ANK1: variants seen among roughly 807,000 people sequenced by gnomAD.
The protein encoded by ANK1 is ankyrin 1.
Under a neutral mutation model 210.4 loss-of-function variants are expected in ANK1, and 51 were observed. The ratio of observed to expected loss-of-function variants is 0.24; its 90% CI spans 0.19 to 0.31. The LOEUF (loss-of-function observed/expected upper bound fraction) is 0.31. ANK1 is among the 10% of genes least tolerant of loss of function. The pLI is 1.00. For missense variants in ANK1, 2,051 were observed against 2,504.4 expected (o/e 0.82, Z 3.86); for synonymous variants, 967 against 1,025.9 (o/e 0.94, Z 1.10).
intron 1 of ANK1, among the ~76,000 whole-genome samples, chr8:41,878,569 C>A (rs6474368): frequency 6.6e-6 from 1 of 152,258 alleles, no homozygotes; most frequent in Non-Finnish European, 1.5e-5. Flanking sequence ...CCCATGAAAA[C>A]GATTTTACAG....
chr8:41,782,902 A>G (rs558479196), intron 1 of ANK1, among the ~76,000 whole-genome samples: 1 of 152,306 alleles, frequency 6.6e-6, no homozygotes, highest in South Asian at 2.1e-4. Context: ...ATTTCTAACT[A>G]CTGTAATCTA....
intron 2 of ANK1, among the ~76,000 whole-genome samples, chr8:41,735,777 G>C (rs982117434): frequency 6.6e-6 from 1 of 152,330 alleles, no homozygotes; most frequent in Non-Finnish European, 1.5e-5. Context: ...ATAGGAGAAT[G>C]GAAGGGGTCC....
intron 1 of ANK1, among the ~76,000 whole-genome samples, chr8:41,759,220 A>G (rs1051890027): frequency 6.6e-6 from 1 of 152,188 alleles, no homozygotes; most frequent in Non-Finnish European, 1.5e-5. Flanking sequence ...AGTAATACTA[A>G]CAGAAGGCTG....
intron 1 of ANK1, among the ~76,000 whole-genome samples, chr8:41,804,342 C>T (rs1177300609): frequency 2.0e-5 from 3 of 152,200 alleles, no homozygotes; most frequent in Non-Finnish European, 4.4e-5. Context: ...CTAGTCTAGA[C>T]ATCACATATC....
chr8:41,862,050 G>A (rs62508235), intron 1 of ANK1, among the ~76,000 whole-genome samples: 2,672 of 152,282 alleles, frequency 0.018, 38 homozygotes, highest in South Asian at 0.028. Flanking sequence ...GGTGAATCTA[G>A]GTGACTTGGA....
chr8:41,782,575 G>T (rs1486067072), intron 1 of ANK1, among the ~76,000 whole-genome samples: 1 of 152,162 alleles, frequency 6.6e-6, no homozygotes, highest in Non-Finnish European at 1.5e-5. Flanking sequence ...AGCCCTCCGT[G>T]CCCCCAGGTA....
intron 21 of ANK1, 107 bp downstream of exon 21, chr8:41,701,945 C>A (rs1238161822): frequency 8.1e-7 from 1 of 1,233,866 alleles, no homozygotes; most frequent in Non-Finnish European, 1.2e-6. Flanking sequence ...GCCTCCGACC[C>A]GCGTCCCGGA....
chr8:41,815,332 T>C (rs1803144443), intron 1 of ANK1, among the ~76,000 whole-genome samples: 1 of 152,170 alleles, frequency 6.6e-6, no homozygotes, highest in Admixed American at 6.5e-5. Flanking sequence ...TCACTATCTC[T>C]TATTAAGACT....
At position 41,727,929 on chromosome 8, in the gene ANK1, G is replaced by A. The variant is rs1831139794; in HGVS notation, c.306C>T (p.Ala102=). 6.2e-7 allele frequency: 1 copy of A among 1,614,062 alleles called. No individual in the cohort carries two copies. Among genetic ancestry groups the A allele is most frequent in the African/African-American group, 1.3e-5 (1 of 74,922 alleles). Residue 102 remains alanine (A), a synonymous_variant, in exon 4 of 43, where the codon GCC becomes GCT. Coordinates refer to ENST00000289734, the MANE Select transcript of ANK1 (RefSeq NM_000037.4). ...EVVRELVNYG[A]NVNAQSQKGF... ...TTACCTGTGACTGGGCGTTGACGTT[G>A]GCTCCATAGTTGACAAGCTCCCGGA...
At chr8:41,896,547 C>A (rs1418267932) in exon 1 of ANK1, 2 of 1,521,386 alleles carry the variant, frequency 1.3e-6, no homozygotes, top group Non-Finnish European at 1.8e-6. Flanking sequence ...CGAGGCGACA[C>A]CCCCTAAGAA....
intron 1 of ANK1, among the ~76,000 whole-genome samples, chr8:41,773,226 C>CG (rs1429797766): frequency 6.6e-6 from 1 of 152,016 alleles, no homozygotes; most frequent in Non-Finnish European, 1.5e-5. Flanking sequence ...ATGGCAAGTG[C>CG]GGGGGTCTAT....
intron 1 of ANK1, among the ~76,000 whole-genome samples, chr8:41,872,906 C>A (rs1254737647): frequency 1.3e-5 from 2 of 152,212 alleles, no homozygotes; most frequent in African/African-American, 2.4e-5. Context: ...GGGTCCAGGT[C>A]TCTGTTGACA....
At chr8:41,736,272 G>A (rs879828193) in intron 2 of ANK1, among the ~76,000 whole-genome samples, 11 of 152,214 alleles carry the variant, frequency 7.2e-5, no homozygotes, top group Admixed American at 7.2e-4. Flanking sequence ...GCAATTTGTC[G>A]AGTGACCAGT....
chr8:41,804,495 A>G (rs79747352), intron 1 of ANK1, among the ~76,000 whole-genome samples: 6,597 of 152,244 alleles, frequency 0.043, 164 homozygotes, highest in Middle Eastern at 0.068. Context: ...TTCTTTTCCT[A>G]AATTGTCTCC....
At position 41,695,375 on chromosome 8, in the gene ANK1, G is replaced by A; in HGVS notation, c.2961-44C>T. On this transcript the variant is annotated intron_variant, in intron 26 of 42. Coordinates refer to ENST00000289734, the MANE Select transcript of ANK1 (RefSeq NM_000037.4). Reference sequence around the variant, plus strand: ...GGTGGTGGGGAGGTGCTCATACAAGGCAGGCAGGGCACAGGGAGGGATGGG... The same window carrying A: ...GGTGGTGGGGAGGTGCTCATACAAGACAGGCAGGGCACAGGGAGGGATGGG... 1.9e-6 allele frequency: 3 copies of A among 1,612,462 alleles called. No individual in the cohort carries two copies. The South Asian group carries it at 3.3e-5, about 18-fold the overall frequency.
At chr8:41,763,213 C>CA (rs56021151) in intron 1 of ANK1, among the ~76,000 whole-genome samples, 6,301 of 130,364 alleles carry the variant, frequency 0.048, 237 homozygotes, top group Middle Eastern at 0.094. Context: ...GACTCTGTCT[C>CA]AAAAAAAAAA....
At chr8:41,698,162 C>G (rs757164481) in intron 23 of ANK1, 41 bp from the exon 24 acceptor site, 1 of 1,594,006 alleles carries the variant, frequency 6.3e-7, no homozygotes, top group Non-Finnish European at 8.6e-7. Flanking sequence ...GGCTGATCCA[C>G]ATGTGCACAC....
At chr8:41,656,508 C>G (rs2150529446) in intron 42 of ANK1, among the ~76,000 whole-genome samples, 1 of 152,348 alleles carries the variant, frequency 6.6e-6, no homozygotes, top group South Asian at 2.1e-4. Context: ...CCACATTCTT[C>G]AGCCTGGGAT....
At chr8:41,867,299 G>A (rs537057274) in intron 1 of ANK1, among the ~76,000 whole-genome samples, 8 of 152,238 alleles carry the variant, frequency 5.3e-5, no homozygotes, top group East Asian at 3.9e-4. Context: ...ACTGAGAGGC[G>A]GATGCAAAGT....
Sources: allele counts gnomAD v4.1 joint callset (sites outside exome capture counted in the v4.1 genomes callset), GRCh38; gene constraint gnomAD v4.1.1; transcripts MANE v1.5; gene names NCBI Gene and HGNC (gene_info 2026-07-23, HGNC 2026-07-21).